CADM2: variants seen among roughly 807,000 people sequenced by gnomAD.
CADM2 encodes the protein immunoglobulin superfamily member 4D.
Under a neutral mutation model 49.8 loss-of-function variants are expected in CADM2, and 12 were observed. That is an observed-to-expected ratio of 0.24 (90% confidence interval 0.15 to 0.39). CADM2 has a LOEUF of 0.39. Among genes scored for constraint, CADM2 ranks in the 10% least tolerant of loss-of-function variants. CADM2 has a pLI of 1.00. For synonymous variants in CADM2, 214 were observed against 175.4 expected (o/e 1.22, Z -1.74); for missense variants, 378 against 492.3 (o/e 0.77, Z 2.20).
At chr3:85,530,431 C>A (rs1048487701) in intron 1 of CADM2, among the ~76,000 whole-genome samples, 1 of 99,204 alleles carries the variant, frequency 1.0e-5, no homozygotes, top group African/African-American at 2.7e-5. Context: ...CCCGGGTTCA[C>A]GCCATTCTCC....
chr3:85,719,217 A>G lies in CADM2; in HGVS notation c.62-7305A>G, dbSNP rs189431262. On this transcript the variant is annotated intron_variant, in intron 1 of 9. Coordinates refer to ENST00000383699, the MANE Select transcript of CADM2 (RefSeq NM_001167675.2). ...GTTGCACATATTGTAAGTAATTTACACATATGATAAATTGACCTCATTCTA... is the reference window on the plus strand; with the variant it reads ...GTTGCACATATTGTAAGTAATTTACGCATATGATAAATTGACCTCATTCTA... 9.8e-4 allele frequency among the ~76,000 whole-genome samples: 149 copies of G among 152,330 alleles called. 1 individual carries two copies. The highest frequency in any genetic ancestry group is 1.9e-4 in the Non-Finnish European group (13 of 68,032).
intron 1 of CADM2, among the ~76,000 whole-genome samples, chr3:85,301,657 T>A (rs1192799797): frequency 1.3e-5 from 2 of 152,036 alleles, no homozygotes; most frequent in Admixed American, 1.3e-4. Flanking sequence ...TTTATAAAAT[T>A]GTTCTGCTGT....
At chr3:85,524,550 C>T (rs951362949) in intron 1 of CADM2, among the ~76,000 whole-genome samples, 1 of 152,008 alleles carries the variant, frequency 6.6e-6, no homozygotes, top group African/African-American at 2.4e-5. Flanking sequence ...TGGCTTAGCA[C>T]GTGTTCTATC....
intron 1 of CADM2, among the ~76,000 whole-genome samples, chr3:85,232,210 C>T (rs1157530629): frequency 6.6e-6 from 1 of 151,200 alleles, no homozygotes; most frequent in Non-Finnish European, 1.5e-5. Context: ...TCTTATTGGT[C>T]AATGTATTGC....
chr3:85,085,242 C>T (rs2037322464), intron 1 of CADM2, among the ~76,000 whole-genome samples: 1 of 152,022 alleles, frequency 6.6e-6, no homozygotes, highest in South Asian at 2.1e-4. Context: ...TCCTGGTAAC[C>T]TCTATTCTGC....
At chr3:85,694,408 G>T (rs1196708851) in intron 1 of CADM2, among the ~76,000 whole-genome samples, 3 of 152,138 alleles carry the variant, frequency 2.0e-5, no homozygotes, top group Non-Finnish European at 4.4e-5. Context: ...ATGGACATCT[G>T]CTATTTAGGG....
intron 1 of CADM2, among the ~76,000 whole-genome samples, chr3:85,246,778 G>A (rs1424746037): frequency 6.6e-6 from 1 of 152,042 alleles, no homozygotes; most frequent in African/African-American, 2.4e-5. Flanking sequence ...TTATCAGTGG[G>A]TAAAAATCTC....
chr3:86,046,179 T>G (rs1226746186), intron 8 of CADM2, among the ~76,000 whole-genome samples: 2 of 152,198 alleles, frequency 1.3e-5, no homozygotes, highest in Non-Finnish European at 1.5e-5. Context: ...ATATACCTAG[T>G]TAACCTAAAT....
At chr3:85,859,334 G>A (rs977163253) in intron 3 of CADM2, among the ~76,000 whole-genome samples, 4 of 140,508 alleles carry the variant, frequency 2.8e-5, no homozygotes, top group African/African-American at 1.0e-4. Context: ...GGGTTCAAGC[G>A]ATTCTCCTGC....
At chr3:85,004,693 G>A (rs564391225) in intron 1 of CADM2, among the ~76,000 whole-genome samples, 27 of 152,112 alleles carry the variant, frequency 1.8e-4, no homozygotes, top group Middle Eastern at 3.2e-3. Context: ...TAAAGGCCCC[G>A]AAGCAGGAGA....
intron 1 of CADM2, among the ~76,000 whole-genome samples, chr3:85,285,448 G>A (rs1043409838): frequency 6.6e-6 from 1 of 151,998 alleles, no homozygotes; most frequent in African/African-American, 2.4e-5. Context: ...GATGAAGGAA[G>A]TTATCTGGAT....
intron 8 of CADM2, among the ~76,000 whole-genome samples, chr3:86,003,627 A>G (rs1321951570): frequency 1.3e-5 from 2 of 152,230 alleles, no homozygotes; most frequent in Non-Finnish European, 2.9e-5. Flanking sequence ...ACCAGTATTC[A>G]TAACTGAGAA....
chr3:85,660,781 G>C (rs2065376876), intron 1 of CADM2, among the ~76,000 whole-genome samples: 1 of 151,956 alleles, frequency 6.6e-6, no homozygotes, highest in Non-Finnish European at 1.5e-5. Flanking sequence ...GATAGACTTT[G>C]ACACAGAATA....
intron 1 of CADM2, among the ~76,000 whole-genome samples, chr3:85,625,334 C>T (rs150579706): frequency 1.1e-4 from 17 of 151,914 alleles, no homozygotes; most frequent in Middle Eastern, 3.4e-3. Context: ...CCTTCTACTA[C>T]GTATGTTTTT....
intron 1 of CADM2, among the ~76,000 whole-genome samples, chr3:85,703,013 C>T (rs1023592116): frequency 2.6e-5 from 4 of 152,114 alleles, no homozygotes; most frequent in Admixed American, 2.6e-4. Context: ...GATTTACCAT[C>T]GTATCTGGGA....
At chr3:85,961,211 G>A (rs991426659) in intron 7 of CADM2, among the ~76,000 whole-genome samples, 5 of 150,620 alleles carry the variant, frequency 3.3e-5, no homozygotes, top group Admixed American at 2.0e-4. Context: ...CAGGGGACCA[G>A]AAATGACTGC....
chr3:86,002,468 T>C (rs891879430), intron 8 of CADM2, among the ~76,000 whole-genome samples: 6 of 152,016 alleles, frequency 3.9e-5, no homozygotes, highest in African/African-American at 1.4e-4. Flanking sequence ...CACCCTAGGG[T>C]GATATAAAAG....
rs190495204 is a variant in CADM2 at position 85,520,547 on chromosome 3, C to T, written c.62-205975C>T. Reference sequence around the variant, plus strand: ...TTTGCATTGCGTCAATGCATTCTTGCAATTATATTTTTAGGAAGAAAAAAT... The same window carrying T: ...TTTGCATTGCGTCAATGCATTCTTGTAATTATATTTTTAGGAAGAAAAAAT... On this transcript the variant is annotated intron_variant, in intron 1 of 9. Coordinates refer to ENST00000383699, the MANE Select transcript of CADM2 (RefSeq NM_001167675.2). 3.3e-5 allele frequency among the ~76,000 whole-genome samples: 5 copies of T among 152,046 alleles called. No individual in the cohort carries two copies. The East Asian group carries it at 9.6e-4, about 29-fold the overall frequency.
chr3:84,966,748 C>G (rs1187639381), intron 1 of CADM2, among the ~76,000 whole-genome samples: 1 of 151,850 alleles, frequency 6.6e-6, no homozygotes, highest in Non-Finnish European at 1.5e-5. Context: ...AGTCATTGTT[C>G]AATTTTGGAA....
Sources: allele counts gnomAD v4.1 joint callset (sites outside exome capture counted in the v4.1 genomes callset), GRCh38; gene constraint gnomAD v4.1.1; transcripts MANE v1.5; gene names NCBI Gene and HGNC (gene_info 2026-07-23, HGNC 2026-07-21).